FHOD3: variants seen among roughly 807,000 people sequenced by gnomAD.
FHOD3 encodes formin homology 2 domain containing 3.
In FHOD3, 90 loss-of-function variants were observed where a neutral mutation model predicts 173.0. The observed-to-expected ratio is 0.52, with a 90% CI of 0.44 to 0.62. FHOD3 has a LOEUF of 0.62. Among genes scored for constraint, FHOD3 ranks in the 20% least tolerant of loss-of-function variants. FHOD3 has a pLI of 0.00. For missense variants in FHOD3, 1,945 were observed against 2,034.7 expected (o/e 0.96, Z 0.85); for synonymous variants, 828 against 823.0 (o/e 1.01, Z -0.10).
intron 10 of FHOD3, among the ~76,000 whole-genome samples, chr18:36,640,049 A>G (rs568459222): frequency 1.3e-5 from 2 of 152,278 alleles, no homozygotes; most frequent in African/African-American, 4.8e-5. Flanking sequence ...TATTTATTTG[A>G]TTCTAAAACA....
chr18:36,724,274 G>C (rs2040938001), intron 19 of FHOD3, among the ~76,000 whole-genome samples: 1 of 152,294 alleles, frequency 6.6e-6, no homozygotes, highest in South Asian at 2.1e-4. Context: ...ATCTGGCTTA[G>C]CGGTTCTAGA....
chr18:36,371,990 A>G (rs2047217419), intron 2 of FHOD3, among the ~76,000 whole-genome samples: 1 of 151,896 alleles, frequency 6.6e-6, no homozygotes, highest in Admixed American at 6.6e-5. Flanking sequence ...TCCTTCTACC[A>G]ACTGCTCCGT....
chr18:36,324,143 T>C (rs985835057), intron 1 of FHOD3, among the ~76,000 whole-genome samples: 4 of 152,350 alleles, frequency 2.6e-5, no homozygotes, highest in African/African-American at 9.6e-5. Flanking sequence ...GATTTGTCCT[T>C]TCACTAAATG....
At chr18:36,517,171 G>A (rs2056034343) in intron 5 of FHOD3, among the ~76,000 whole-genome samples, 1 of 152,176 alleles carries the variant, frequency 6.6e-6, no homozygotes, top group Non-Finnish European at 1.5e-5. Flanking sequence ...TTATTCCTGG[G>A]TGGTTGTAGC....
intron 9 of FHOD3, 43 bp from the exon 10 acceptor site, chr18:36,625,468 A>T (rs1032325004): frequency 1.8e-5 from 25 of 1,365,852 alleles, no homozygotes; most frequent in Non-Finnish European, 2.2e-5. Flanking sequence ...CTGTGAAAGG[A>T]TGCCAAGCCT....
chr18:36,720,523 C>T (rs1420055516), intron 19 of FHOD3, among the ~76,000 whole-genome samples: 2 of 152,094 alleles, frequency 1.3e-5, no homozygotes, highest in African/African-American at 4.8e-5. Flanking sequence ...CAGGAGTGAG[C>T]CACTGCGCCT....
intron 7 of FHOD3, among the ~76,000 whole-genome samples, chr18:36,595,306 C>G (rs371381508): frequency 8.5e-5 from 13 of 152,292 alleles, no homozygotes; most frequent in East Asian, 5.8e-4. Flanking sequence ...TCTCCTCCAT[C>G]CCCTGCCCTG....
chr18:36,340,195 AGAG>A (rs1376788515), intron 1 of FHOD3, among the ~76,000 whole-genome samples: 2 of 152,378 alleles, frequency 1.3e-5, no homozygotes, highest in South Asian at 4.1e-4. Flanking sequence ...GATGATTTAA[AGAG>A]AATCAGTAAG....
intron 8 of FHOD3, among the ~76,000 whole-genome samples, chr18:36,608,137 C>A (rs980486242): frequency 2.0e-5 from 3 of 152,184 alleles, no homozygotes; most frequent in African/African-American, 7.2e-5. Context: ...AGCAACAGCC[C>A]ACTTCTCTGT....
intron 1 of FHOD3, among the ~76,000 whole-genome samples, chr18:36,348,364 C>G (rs1568154495): frequency 2.0e-5 from 3 of 152,158 alleles, no homozygotes; most frequent in African/African-American, 7.2e-5. Context: ...AAGTGGGGCA[C>G]TCAGGGGACC....
At chr18:36,749,011 C>T (rs1455344724) in intron 24 of FHOD3, among the ~76,000 whole-genome samples, 4 of 151,820 alleles carry the variant, frequency 2.6e-5, no homozygotes, top group African/African-American at 9.7e-5. Flanking sequence ...CAGGGCCTTA[C>T]AGCTGGTAAC....
intron 1 of FHOD3, among the ~76,000 whole-genome samples, chr18:36,338,936 C>T (rs113569530): frequency 2.1e-4 from 32 of 152,240 alleles, no homozygotes; most frequent in African/African-American, 7.7e-4. Flanking sequence ...CGGGCACTGG[C>T]TACAGAGGGG....
At chr18:36,443,165 C>G (rs1201872435) in intron 3 of FHOD3, among the ~76,000 whole-genome samples, 1 of 152,090 alleles carries the variant, frequency 6.6e-6, no homozygotes, top group Admixed American at 6.5e-5. Flanking sequence ...CTGTTTTTCC[C>G]TTTGTAATCA....
chr18:36,382,205 G>A (rs1000239762), intron 3 of FHOD3, among the ~76,000 whole-genome samples: 9 of 152,090 alleles, frequency 5.9e-5, no homozygotes, highest in African/African-American at 1.9e-4. Flanking sequence ...GGATGCTGTC[G>A]TCCCCAAATG....
chr18:36,422,342 T>A (rs1772572888), intron 3 of FHOD3, among the ~76,000 whole-genome samples: 3 of 152,230 alleles, frequency 2.0e-5, no homozygotes, highest in Admixed American at 2.0e-4. Flanking sequence ...CTGAATAATA[T>A]TCAGTTCCAT....
At position 36,690,891 on chromosome 18, in the gene FHOD3, T is replaced by C. The variant is rs191104995; in HGVS notation, c.2022-2318T>C. ...TTATAAAACTGAACCTCTTTATCCA[T>C]GAAGCAACAACTCACCATCCCTCTA... On this transcript the variant is annotated intron_variant, in intron 16 of 28. Transcript: ENST00000590592. Among the ~76,000 whole-genome samples, 17 of 152,306 alleles carry C rather than the reference T, an allele frequency of 1.1e-4. No individual in the cohort carries two copies. The East Asian group carries it at 2.5e-3, about 22-fold the overall frequency.
In FHOD3 at chr18:36,625,562, G is replaced by A. The variant is rs145455632; in HGVS notation, c.1009G>A (p.Gly337Arg). The change falls in exon 10 of 29, where the codon GGG becomes AGG. Residue 337 changes from glycine (G) to arginine (R), a missense_variant. By Grantham distance (125) the Gly-to-Arg change is moderately radical. Transcript: ENST00000590592. ...GDETTEPPPS[G>R]CRDRRRASVC... Reference sequence around the variant, plus strand: ...TGAGACCACGGAGCCACCCCCCAGTGGGTGCCGGGACCGGAGGAGGGCCAG... The same window carrying A: ...TGAGACCACGGAGCCACCCCCCAGTAGGTGCCGGGACCGGAGGAGGGCCAG... 147 of 1,516,952 alleles carry A rather than the reference G, an allele frequency of 9.7e-5. 1 individual carries two copies. Among genetic ancestry groups the A allele is most frequent in the Admixed American group, 2.4e-4 (12 of 50,644 alleles). The allele number at this position is 1,516,952 out of a possible 1,614,324, so 94.0% of individuals were successfully genotyped here.
intron 19 of FHOD3, among the ~76,000 whole-genome samples, chr18:36,720,540 C>T (rs2040707221): frequency 6.6e-6 from 1 of 151,926 alleles, no homozygotes; most frequent in South Asian, 2.1e-4. Flanking sequence ...GCCTGGCCTC[C>T]CCCTTCCAAT....
At chr18:36,460,196 C>A (rs1274753504) in intron 3 of FHOD3, among the ~76,000 whole-genome samples, 2 of 152,178 alleles carry the variant, frequency 1.3e-5, no homozygotes, top group East Asian at 3.9e-4. Flanking sequence ...CTGTCCCCCA[C>A]TGTTCTGCTA....
Sources: gnomAD v4.1 joint callset for allele counts (sites outside exome capture counted in the v4.1 genomes callset) on GRCh38, gnomAD v4.1.1 for gene constraint, MANE v1.5 for transcripts, NCBI Gene and HGNC (gene_info 2026-07-23, HGNC 2026-07-21) for gene names.